CTSV: variants seen among roughly 807,000 people sequenced by gnomAD.
CTSV encodes cathepsin V.
A neutral mutation model predicts 35.6 loss-of-function variants in CTSV; 33 were observed. That is an observed-to-expected ratio of 0.93 (90% confidence interval 0.70 to 1.24). The LOEUF (loss-of-function observed/expected upper bound fraction) is 1.24, where lower values mean the gene tolerates loss of function less well. Among genes scored for constraint, CTSV ranks in the 50% most tolerant of loss-of-function variants. The pLI, the probability that CTSV is intolerant of heterozygous loss-of-function variation, is 0.00. For missense variants in CTSV, 408 were observed against 413.1 expected, an observed-to-expected ratio of 0.99 and a Z score of 0.11; for synonymous variants, 154 against 147.1, an observed-to-expected ratio of 1.05 and a Z score of -0.34.
chr9:97,033,453 TAAAAAAA>T (rs34754643), intron 7 of CTSV, among the ~76,000 whole-genome samples: 1 of 118,152 alleles, frequency 8.5e-6, no homozygotes, highest in Non-Finnish European at 1.9e-5. Context: ...TCTACTAAAT[TAAAAAAA>T]AAAAAAAAAA....
intron 6 of CTSV, 58 bp from the exon 7 acceptor site, chr9:97,034,901 C>A (rs1258945068): frequency 1.6e-6 from 2 of 1,236,798 alleles, no homozygotes; most frequent in African/African-American, 1.5e-5. Context: ...TGACAGTAAC[C>A]CACCCTACCA....
chr9:97,029,845 T>C lies in CTSV; in HGVS notation c.*3104A>G, dbSNP rs916892111. 1.3e-5 allele frequency: 2 copies of C among 152,220 alleles called. No homozygotes were observed. Among genetic ancestry groups the C allele is most frequent in the African/African-American group, 2.4e-5 (1 of 41,452 alleles). The allele number at this position is 152,220 out of a possible 1,614,324, so 9.4% of individuals were successfully genotyped here. On this transcript the variant is annotated 3_prime_UTR_variant, in exon 8 of 8. Transcript: ENST00000259470. ...GTCCCATAAAATTATGATCCTATATTTTTACTGTACTTTTCTGTTCAGATA... is the reference window on the plus strand; with the variant it reads ...GTCCCATAAAATTATGATCCTATATCTTTACTGTACTTTTCTGTTCAGATA...
intron 6 of CTSV, among the ~76,000 whole-genome samples, chr9:97,035,053 T>C (rs571168751): frequency 6.6e-6 from 1 of 152,262 alleles, no homozygotes; most frequent in Admixed American, 6.5e-5. Context: ...ATCAACTAAC[T>C]TCAACTAAGT....
Position 97,035,525 on chromosome 9 carries a change from T to C in CTSV, c.787+3A>G. On this transcript the variant is annotated splice_donor_region_variant and intron_variant, in intron 6 of 7. Coordinates refer to ENST00000259470, the MANE Select transcript of CTSV (RefSeq NM_001333.4). ...TAAATTTCTATAATAAAATGACACT[T>C]ACCTGATTTGTAGAACTGGAAGGAC... 6.7e-7 allele frequency: 1 copy of C among 1,503,304 alleles called. No individual in the cohort carries two copies. The highest frequency in any genetic ancestry group is 8.9e-7 in the Non-Finnish European group (1 of 1,118,574). The allele number at this position is 1,503,304 out of a possible 1,614,324, so 93.1% of individuals were successfully genotyped here.
At position 97,039,135 on chromosome 9, in the gene CTSV, G is replaced by C. The variant is rs369450503; in HGVS notation, c.-75C>G. On this transcript the variant is annotated 5_prime_UTR_variant, in exon 1 of 8. Coordinates refer to ENST00000259470, the MANE Select transcript of CTSV (RefSeq NM_001333.4). ...AGCCTCTGAGATTACAGACGTCCGC[G>C]GTCTGGTGCAGGTTCGCCCGCCTCG... The C allele has an allele frequency of 1.3e-4, 20 of 152,396 alleles. No homozygotes were observed. The highest frequency in any genetic ancestry group is 4.1e-4 in the South Asian group (2 of 4,834). The allele number at this position is 152,396 out of a possible 1,614,324, so 9.4% of individuals were successfully genotyped here. A position where few individuals can be genotyped will look rare whatever the true frequency, so the allele number is the denominator to read the frequency against.
Position 97,036,512 on chromosome 9 carries a change from G to A in CTSV, c.621+11C>T, listed in dbSNP as rs1401477638. On this transcript the variant is annotated intron_variant, in intron 5 of 7. Transcript: ENST00000259470. ...CAGAGCACGAATGACAAGATAAGGA[G>A]CTCCATTTACCACTGCTACATATGG... 1.9e-6 allele frequency: 3 copies of A among 1,583,872 alleles called. No individual in the cohort carries two copies. The highest frequency in any genetic ancestry group is 1.7e-4 in the Middle Eastern group (1 of 6,012).
chr9:97,034,602 A>T (rs1828813005), intron 7 of CTSV, 124 bp downstream of exon 7: 1 of 711,172 alleles, frequency 1.4e-6, no homozygotes, highest in Non-Finnish European at 2.5e-6. Context: ...ATCAAACATT[A>T]ATATTTCTGT....
At chr9:97,034,671 G>T in intron 7 of CTSV, 55 bp downstream of exon 7, 1 of 1,318,396 alleles carries the variant, frequency 7.6e-7, no homozygotes, top group Non-Finnish European at 1.1e-6. Flanking sequence ...TTGTGAACTT[G>T]TATCCAAATA....
In CTSV at chr9:97,034,813, T is replaced by C. The variant is rs778671195; in HGVS notation, c.818A>G (p.Lys273Arg). 5.0e-6 allele frequency: 8 copies of C among 1,614,076 alleles called. No individual in the cohort carries two copies. The highest frequency in any genetic ancestry group is 5.9e-6 in the Non-Finnish European group (7 of 1,180,034). ...CACCAGAACACCATGATCCAGGTTT[T>C]TGCTGCTGCAGTCTGGTTCAAAATA... ...GIYFEPDCSS[K>R]NLDHGVLVVG... The change falls in exon 7 of 8, where the codon AAA becomes AGA. Residue 273 changes from lysine to arginine, a missense_variant. By Grantham distance (26) the Lys-to-Arg change is conservative. Coordinates refer to ENST00000259470, the MANE Select transcript of CTSV (RefSeq NM_001333.4).
At chr9:97,039,621 TGGGTGCATCA>T (rs1182361688), upstream of CTSV, 2 of 151,262 alleles carry the variant, frequency 1.3e-5, no homozygotes, top group African/African-American at 4.9e-5. Context: ...CACTTAAGGG[TGGGTGCATCA>T]GGGCTTTAGA....
At chr9:97,035,933 T>C (rs560115058) in intron 5 of CTSV, among the ~76,000 whole-genome samples, 3 of 152,316 alleles carry the variant, frequency 2.0e-5, no homozygotes, top group African/African-American at 7.2e-5. Context: ...ATGGATAAAG[T>C]TCTATTATAT....
chr9:97,038,788 G>A (rs905158529), intron 1 of CTSV, among the ~76,000 whole-genome samples: 2 of 152,158 alleles, frequency 1.3e-5, no homozygotes, highest in Non-Finnish European at 2.9e-5. Flanking sequence ...GCGGTGCAGG[G>A]AGCGGGGGCT....
chr9:97,037,799 G>T, intron 2 of CTSV, 119 bp downstream of exon 2: 1 of 1,416,794 alleles, frequency 7.1e-7, no homozygotes, highest in Non-Finnish European at 9.8e-7. Context: ...TATAATGGGT[G>T]CTGTTAGGTT....
At chr9:97,036,803 C>A (rs1008859012) in intron 4 of CTSV, 56 bp from the exon 5 acceptor site, 2 of 1,355,362 alleles carry the variant, frequency 1.5e-6, no homozygotes, top group East Asian at 2.3e-5. Flanking sequence ...AAATACAGTA[C>A]CCCATAATTG....
At position 97,030,059 on chromosome 9, in the gene CTSV, C is replaced by A. The variant is rs1271771566; in HGVS notation, c.*2890G>T. ...CGATGAAATCACCCAAGACACATTT[C>A]TCAGAATGTATCCCCATCATTAAGC... On this transcript the variant is annotated 3_prime_UTR_variant, in exon 8 of 8. Transcript: ENST00000259470. 6.6e-6 allele frequency: 1 copy of A among 152,216 alleles called. No individual in the cohort carries two copies. The highest frequency in any genetic ancestry group is 1.5e-5 in the Non-Finnish European group (1 of 68,036). The allele number at this position is 152,216 out of a possible 1,614,324, so 9.4% of individuals were successfully genotyped here. A position where few individuals can be genotyped will look rare whatever the true frequency, so the allele number is the denominator to read the frequency against.
intron 1 of CTSV, among the ~76,000 whole-genome samples, chr9:97,038,839 C>T (rs902702388): frequency 6.6e-6 from 1 of 152,174 alleles, no homozygotes; most frequent in Admixed American, 6.5e-5. Flanking sequence ...CGGTCCGGTC[C>T]GGCTTCAGCC....
intron 1 of CTSV, among the ~76,000 whole-genome samples, 194 bp downstream of exon 1, chr9:97,038,877 G>A (rs1828905013): frequency 6.6e-6 from 1 of 152,140 alleles, no homozygotes. Context: ...GCCCCGCCCG[G>A]GCCCTCCCAG....
chr9:97,030,207 A>G lies in CTSV; in HGVS notation c.*2742T>C, dbSNP rs1017669302. The G allele has an allele frequency of 5.9e-5, 9 of 152,354 alleles. No individual in the cohort carries two copies. Among genetic ancestry groups the G allele is most frequent in the African/African-American group, 2.2e-4 (9 of 41,588 alleles). The allele number at this position is 152,354 out of a possible 1,614,324, so 9.4% of individuals were successfully genotyped here. On this transcript the variant is annotated 3_prime_UTR_variant, in exon 8 of 8. Transcript: ENST00000259470. ...AAATAACATTTAGAAAACAGTTTCA[A>G]CTTTCATAGGCAAAACATACACATG...
chr9:97,036,495 G>C (rs200032748), intron 5 of CTSV, 28 bp downstream of exon 5: 1 of 1,530,126 alleles, frequency 6.5e-7, no homozygotes, highest in Non-Finnish European at 9.1e-7. Context: ...AGCAGAGCAC[G>C]AATGACAAGA....
Sources: allele counts gnomAD v4.1 joint callset (sites outside exome capture counted in the v4.1 genomes callset), GRCh38; gene constraint gnomAD v4.1.1; transcripts MANE v1.5; gene names NCBI Gene and HGNC (gene_info 2026-07-23, HGNC 2026-07-21).